CDH22: variants seen among roughly 807,000 people sequenced by gnomAD.
The protein encoded by CDH22 is cadherin 22.
Under a neutral mutation model 58.4 loss-of-function variants are expected in CDH22, and 30 were observed. That is an observed-to-expected ratio of 0.51 (90% CI 0.38 to 0.70). The LOEUF is 0.70. Among genes scored for constraint, CDH22 ranks in the 30% least tolerant of loss-of-function variants. The probability of loss-of-function intolerance (pLI) is 0.00; values close to 1 mark genes in which losing one functional copy is unlikely to be tolerated. For missense variants in CDH22, 1,014 were observed against 1,233.9 expected (o/e 0.82, Z 2.67); for synonymous variants, 513 against 558.2 (o/e 0.92, Z 1.14).
chr20:46,187,033 C>A, intron 8 of CDH22, 86 bp from the exon 9 acceptor site: 1 of 1,358,740 alleles, frequency 7.4e-7, no homozygotes, highest in Non-Finnish European at 9.9e-7. Context: ...CAATAGTAGG[C>A]AGTGGGGTCA....
At position 46,308,329 on chromosome 20, in the gene CDH22, G is replaced by A. The variant is rs1210807691; in HGVS notation, c.-474C>T. On this transcript the variant is annotated 5_prime_UTR_variant, in exon 1 of 12. Coordinates refer to ENST00000537909, the MANE Select transcript of CDH22 (RefSeq NM_021248.3). This position sits in a 1 kb window ranked among gnomAD's most constrained non-coding sequence, Gnocchi z 4.3. ...GCGTGGGGCGGGAGCCCCGGCGCGGGCAGCGGGCGAGTCCGGAGCCCCGCG... is the reference window on the plus strand; with the variant it reads ...GCGTGGGGCGGGAGCCCCGGCGCGGACAGCGGGCGAGTCCGGAGCCCCGCG... The A allele has an allele frequency of 2.3e-5, 4 of 172,488 alleles. No individual in the cohort carries two copies. The East Asian group carries it at 5.5e-4, about 24-fold the overall frequency. 10.7% of individuals were successfully genotyped at this position (172,488 alleles called of 1,614,324 possible).
At chr20:46,212,525 G>A (rs2086050647) in intron 6 of CDH22, among the ~76,000 whole-genome samples, 1 of 152,252 alleles carries the variant, frequency 6.6e-6, no homozygotes, top group South Asian at 2.1e-4. Flanking sequence ...AGGAAGGAAA[G>A]AGCTTTGGAG....
chr20:46,186,617 T>C lies in CDH22; in HGVS notation c.1634A>G (p.Asn545Ser). The C allele has an allele frequency of 1.9e-6, 3 of 1,612,406 alleles. No individual in the cohort carries two copies. Among genetic ancestry groups the C allele is most frequent in the Non-Finnish European group, 2.5e-6 (3 of 1,179,816 alleles). ...YFRLVPEAPSNPHFSLLDIQD... is the reference protein window; with the variant it reads ...YFRLVPEAPSSPHFSLLDIQD... The stretch of plus-strand genomic sequence containing the variant: ...GATGTCAAGCAGAGAGAAATGAGGG[T>C]TGCTGGGAGCTTCAGGCACCAGGCG... The change falls in exon 10 of 12, where the codon AAC becomes AGC. Residue 545 changes from asparagine to serine, a missense_variant. Coordinates refer to ENST00000537909, the MANE Select transcript of CDH22 (RefSeq NM_021248.3).
intron 3 of CDH22, among the ~76,000 whole-genome samples, chr20:46,238,864 G>T (rs1263349531): frequency 6.6e-6 from 1 of 152,200 alleles, no homozygotes; most frequent in Non-Finnish European, 1.5e-5. Flanking sequence ...GAGCCATGGG[G>T]TCCTGATCAT....
At chr20:46,189,120 G>A (rs1370575805) in intron 8 of CDH22, among the ~76,000 whole-genome samples, 2 of 152,122 alleles carry the variant, frequency 1.3e-5, no homozygotes, top group Non-Finnish European at 2.9e-5. Context: ...GGGGGCGGGC[G>A]GCGGTCAGGA....
At chr20:46,228,776 G>C in intron 3 of CDH22, among the ~76,000 whole-genome samples, 1 of 152,252 alleles carries the variant, frequency 6.6e-6, no homozygotes, top group Middle Eastern at 3.4e-3. Flanking sequence ...CCTGGGCTGG[G>C]CTGGGCTCCC....
intron 2 of CDH22, among the ~76,000 whole-genome samples, chr20:46,250,024 T>A (rs2086358847): frequency 6.6e-6 from 1 of 152,158 alleles, no homozygotes; most frequent in South Asian, 2.1e-4. Flanking sequence ...ACTCTGGGGA[T>A]CCCCAAAGTG....
intron 1 of CDH22, among the ~76,000 whole-genome samples, chr20:46,299,361 G>T (rs975913724): frequency 6.6e-6 from 1 of 152,212 alleles, no homozygotes; most frequent in African/African-American, 2.4e-5. Context: ...CCTTCGACCA[G>T]ACAGAGTCAA....
intron 1 of CDH22, among the ~76,000 whole-genome samples, chr20:46,294,129 G>T (rs1179743062): frequency 6.6e-6 from 1 of 152,306 alleles, no homozygotes; most frequent in Non-Finnish European, 1.5e-5. Flanking sequence ...TTAAAAGGGG[G>T]CAGCTTTATG....
At chr20:46,268,737 C>T (rs2145755404) in intron 1 of CDH22, among the ~76,000 whole-genome samples, 1 of 152,338 alleles carries the variant, frequency 6.6e-6, no homozygotes, top group East Asian at 1.9e-4. Flanking sequence ...GCCGAGAGGT[C>T]ATAGTAACCC....
chr20:46,208,197 A>G (rs1284294456), intron 7 of CDH22, among the ~76,000 whole-genome samples: 3 of 151,908 alleles, frequency 2.0e-5, no homozygotes, highest in African/African-American at 7.3e-5. Flanking sequence ...TCCCTCTAAC[A>G]CTGGCCATCC....
At chr20:46,264,887 G>A (rs936524563) in intron 1 of CDH22, among the ~76,000 whole-genome samples, 10 of 150,312 alleles carry the variant, frequency 6.7e-5, no homozygotes, top group Non-Finnish European at 1.0e-4. Context: ...CACACACACC[G>A]TGCGCGCACA....
intron 1 of CDH22, among the ~76,000 whole-genome samples, chr20:46,287,216 G>C (rs1232303031): frequency 6.6e-6 from 1 of 152,162 alleles, no homozygotes; most frequent in African/African-American, 2.4e-5. Context: ...AATAACAGTA[G>C]CTACCTCACA....
At chr20:46,221,275 TTTTTC>T (rs2086123005) in intron 4 of CDH22, among the ~76,000 whole-genome samples, 1 of 103,492 alleles carries the variant, frequency 9.7e-6, no homozygotes, top group Non-Finnish European at 1.8e-5. Flanking sequence ...TGGGTTTTTT[TTTTTC>T]TTTTTTTTTT....
chr20:46,250,204 T>TTCA (rs1555805347), intron 2 of CDH22, among the ~76,000 whole-genome samples: 68 of 151,816 alleles, frequency 4.5e-4, no homozygotes, highest in Admixed American at 2.6e-4. Context: ...GAGAAAGTAG[T>TTCA]TTCATTCATT....
In CDH22 at chr20:46,200,111, C is replaced by T. The variant is rs560300540; in HGVS notation, c.1287-552G>A. 2.2e-3 allele frequency among the ~76,000 whole-genome samples: 337 copies of T among 152,126 alleles called. 2 individuals are homozygous for T. Among genetic ancestry groups the T allele is most frequent in the African/African-American group, 7.9e-3 (327 of 41,496 alleles). ...GCCTCAGTCTCCCGAGTAGCTGGGA[C>T]TACAGGTGCCCGCCACCACGCCCGG... On this transcript the variant is annotated intron_variant, in intron 7 of 11. Coordinates refer to ENST00000537909, the MANE Select transcript of CDH22 (RefSeq NM_021248.3).
At chr20:46,249,336 G>A (rs1254868571) in intron 2 of CDH22, among the ~76,000 whole-genome samples, 1 of 152,172 alleles carries the variant, frequency 6.6e-6, no homozygotes, top group Non-Finnish European at 1.5e-5. Context: ...CACCTGTCTG[G>A]GAGTCAGGAG....
At chr20:46,183,181 A>G (rs1311173676) in intron 10 of CDH22, among the ~76,000 whole-genome samples, 1 of 152,188 alleles carries the variant, frequency 6.6e-6, no homozygotes, top group East Asian at 1.9e-4. Context: ...TGGTTGTTAA[A>G]ATATTGAAAT....
Position 46,216,891 on chromosome 20 carries a change from G to T in CDH22, c.773C>A (p.Ser258Ter). 6.2e-7 allele frequency: 1 copy of T among 1,610,818 alleles called. No homozygotes were observed. The highest frequency in any genetic ancestry group is 1.1e-5 in the South Asian group (1 of 91,014). The change falls in exon 5 of 12, where the codon TCG becomes TAG. Residue 258 changes from serine (S) to a stop codon, truncating the protein, a stop_gained. Transcript: ENST00000537909. LOFTEE classifies it high-confidence loss of function. The surrounding 1 kb of genome is among the most constrained non-coding windows in gnomAD (Gnocchi z 5.3). ...TDMAGQLGGL[S>*]GSTTVTIVVT... ...TACGATGGTGACGGTAGTGGAGCCC[G>T]AGAGGCCACCCAGCTGACCCGCCAT... is the stretch of plus-strand genomic sequence containing the variant.
Sources: gnomAD v4.1 joint callset for allele counts (sites outside exome capture counted in the v4.1 genomes callset) on GRCh38, gnomAD v4.1.1 for gene constraint, Gnocchi (gnomAD v3.1) non-coding constraint, MANE v1.5 for transcripts, NCBI Gene and HGNC (gene_info 2026-07-23, HGNC 2026-07-21) for gene names.